The following TK2 variants were observed in gnomAD, a reference collection of about 807,000 sequenced individuals.
The protein encoded by TK2 is thymidine kinase 2.
A neutral mutation model predicts 41.9 loss-of-function variants in TK2; 35 were observed. The observed-to-expected ratio is 0.84, with a 90% CI of 0.64 to 1.11. The LOEUF (loss-of-function observed/expected upper bound fraction) is 1.11, where lower values mean the gene tolerates loss of function less well. Ranked by LOEUF, TK2 falls within the 50% of genes least tolerant of loss-of-function variation. TK2 has a pLI of 0.00. For missense variants in TK2, 320 were observed against 351.1 expected, an observed-to-expected ratio of 0.91 and a Z score of 0.71; for synonymous variants, 128 against 129.1, an observed-to-expected ratio of 0.99 and a Z score of 0.06.
At chr16:66,543,682 C>T (rs1313609241) in intron 2 of TK2, among the ~76,000 whole-genome samples, 1 of 152,202 alleles carries the variant, frequency 6.6e-6, no homozygotes, top group Non-Finnish European at 1.5e-5. Flanking sequence ...ATCCAGGCCC[C>T]TTCTCACGAC....
chr16:66,522,839 G>C (rs1438290315), intron 6 of TK2, among the ~76,000 whole-genome samples: 1 of 152,130 alleles, frequency 6.6e-6, no homozygotes, highest in Non-Finnish European at 1.5e-5. Context: ...ACTCCAGCCT[G>C]GGCAATAACA....
chr16:66,537,067 G>A (rs1006843392), intron 3 of TK2, 50 bp from the exon 4 acceptor site: 2 of 1,601,828 alleles, frequency 1.2e-6, no homozygotes, highest in East Asian at 2.2e-5. Flanking sequence ...GCTGAACCCT[G>A]TAAAAGTGTG....
At chr16:66,519,867 G>A (rs954960494) in intron 6 of TK2, among the ~76,000 whole-genome samples, 2 of 152,320 alleles carry the variant, frequency 1.3e-5, no homozygotes, top group Non-Finnish European at 1.5e-5. Flanking sequence ...CCAGTCCCAC[G>A]AGGGGATGAG....
In TK2 at chr16:66,510,226, A is replaced by G. The variant is rs983458043; in HGVS notation, c.*1742T>C. 6 of 152,038 alleles carry G rather than the reference A, an allele frequency of 3.9e-5. No homozygotes were observed. The highest frequency in any genetic ancestry group is 1.2e-4 in the African/African-American group (5 of 41,410). 9.4% of individuals were successfully genotyped at this position (152,038 alleles called of 1,614,324 possible). ...TGCCTTAGGCAAAAAAAAAAAAAAA[A>G]AAAGAGAGAGAAATCACATTTCCCC... is the stretch of plus-strand genomic sequence containing the variant. On this transcript the variant is annotated 3_prime_UTR_variant, in exon 10 of 10. Coordinates refer to ENST00000544898, the MANE Select transcript of TK2 (RefSeq NM_004614.5).
Position 66,509,423 on chromosome 16 carries a change from A to AGGTATTTTT in TK2, c.*2544_*2545insAAAAATACC, listed in dbSNP as rs1964384522. 6.6e-6 allele frequency: 1 copy of AGGTATTTTT among 152,268 alleles called. No individual in the cohort carries two copies. Among genetic ancestry groups the AGGTATTTTT allele is most frequent in the Admixed American group, 6.5e-5 (1 of 15,292 alleles). The allele number at this position is 152,268 out of a possible 1,614,324, so 9.4% of individuals were successfully genotyped here. ...AATATATTTCTATCTAGTTTCCAAA[A>AGGTATTTTT]AAAACCAGGTACATAAGGTATTTTT... On this transcript the variant is annotated 3_prime_UTR_variant, in exon 10 of 10. Coordinates refer to ENST00000544898, the MANE Select transcript of TK2 (RefSeq NM_004614.5).
Position 66,513,765 on chromosome 16 carries a change from T to C in TK2, c.665A>G (p.Lys222Arg). ...IHHLHEEWLI[K>R]GSLFPMAAPV... ...GGCTGCCATGGGGAAAAGGCTGCCT[T>C]TGATGAGCCACTCCTCATGGAGATG... The change falls in exon 9 of 10, where the codon AAA becomes AGA. Residue 222 changes from lysine to arginine, a missense_variant. Transcript: ENST00000544898. 1 of 1,614,028 alleles carries C rather than the reference T, an allele frequency of 6.2e-7. No homozygotes were observed. The highest frequency in any genetic ancestry group is 8.5e-7 in the Non-Finnish European group (1 of 1,180,022).
At chr16:66,549,432 A>G in intron 1 of TK2, 1 of 1,076,176 alleles carries the variant, frequency 9.3e-7, no homozygotes, top group Non-Finnish European at 1.1e-6. Context: ...CATCCGTCCC[A>G]CAGGTGGTTC....
intron 3 of TK2, among the ~76,000 whole-genome samples, chr16:66,540,902 G>C (rs1031338276): frequency 6.6e-6 from 1 of 152,158 alleles, no homozygotes; most frequent in African/African-American, 2.4e-5. Context: ...TTAAGACCTT[G>C]AAATATGAGT....
In TK2 at chr16:66,549,347, G is replaced by C. The variant is rs529639429; in HGVS notation, c.125-338C>G. ...ACAGCCTCCACTCGCGGTGCACGGG[G>C]AAGAGTGGGCGGCGGACGTGGTTTT... On this transcript the variant is annotated intron_variant, in intron 1 of 9. Coordinates refer to ENST00000544898, the MANE Select transcript of TK2 (RefSeq NM_004614.5). The C allele has an allele frequency of 3.5e-4, 400 of 1,152,178 alleles. 3 individuals are homozygous for C. In the African/African-American group the frequency reaches 5.7e-3, roughly 16 times the overall value. 71.4% of individuals were successfully genotyped at this position (1,152,178 alleles called of 1,614,324 possible).
intron 3 of TK2, among the ~76,000 whole-genome samples, chr16:66,537,359 C>T (rs1470559632): frequency 6.6e-6 from 1 of 152,244 alleles, no homozygotes; most frequent in Non-Finnish European, 1.5e-5. Context: ...TTCTATCCCA[C>T]CCCTGCCTGC....
At chr16:66,536,202 CAAA>C (rs35291905) in intron 4 of TK2, among the ~76,000 whole-genome samples, 2 of 83,132 alleles carry the variant, frequency 2.4e-5, no homozygotes. Flanking sequence ...GACTCCATCT[CAAA>C]AAAAAAAAAA....
At position 66,514,990 on chromosome 16, in the gene TK2, C is replaced by G. The variant is rs1373105588; in HGVS notation, c.619-1179G>C. On this transcript the variant is annotated intron_variant, in intron 8 of 9. Transcript: ENST00000544898. This position sits in a 1 kb window ranked among gnomAD's most constrained non-coding sequence, Gnocchi z 4.2. ...TAGCATACTCATTAAGAGTCATCAC[C>G]ATTCCCTAATCTCAAGTACCCAGGG... 6.6e-5 allele frequency among the ~76,000 whole-genome samples: 10 copies of G among 152,128 alleles called. No individual in the cohort carries two copies. The highest frequency in any genetic ancestry group is 2.4e-4 in the African/African-American group (10 of 41,418).
At chr16:66,531,985 G>C (rs1053605042) in intron 4 of TK2, among the ~76,000 whole-genome samples, 1 of 152,026 alleles carries the variant, frequency 6.6e-6, no homozygotes, top group African/African-American at 2.4e-5. Context: ...AGGGGGCAAA[G>C]GTTGAAAAAG....
chr16:66,548,202 C>G, intron 2 of TK2: 2 of 382,986 alleles, frequency 5.2e-6, no homozygotes, highest in South Asian at 3.7e-5. Context: ...GCATTTCAAT[C>G]CTCTCTATGT....
At position 66,549,975 on chromosome 16, in the gene TK2, G is replaced by C; in HGVS notation, c.87C>G (p.Pro29=). ...PGSRGSPASG[P]GPRRVQRRAW... The stretch of plus-strand genomic sequence containing the variant: ...CCCGGCGCTGCACCCTCCGCGGCCC[G>C]GGGCCTGAGGCCGGGCTCCCGCGAC... Residue 29 remains proline, a synonymous_variant, in exon 1 of 10, where the codon CCC becomes CCG. Coordinates refer to ENST00000544898, the MANE Select transcript of TK2 (RefSeq NM_004614.5). 2 of 1,488,238 alleles carry C rather than the reference G, an allele frequency of 1.3e-6. No individual in the cohort carries two copies. The highest frequency in any genetic ancestry group is 2.4e-5 in the Admixed American group (1 of 41,350). 92.2% of individuals were successfully genotyped at this position (1,488,238 alleles called of 1,614,324 possible).
chr16:66,539,661 G>A (rs537800639), intron 3 of TK2, among the ~76,000 whole-genome samples: 37 of 149,886 alleles, frequency 2.5e-4, no homozygotes, highest in African/African-American at 9.1e-4. Flanking sequence ...AAGGGAAAAA[G>A]GGCAGGTGCA....
Position 66,517,825 on chromosome 16 carries a change from T to C in TK2, c.502A>G (p.Ile168Val), listed in dbSNP as rs1964660757. ...ACAGACACGTCCATGTTCCTCAAGA[T>C]CCAGTCAAACCATTCCGACAGAACT... ...YVVLSEWFDW[I>V]LRNMDVSVDL... The change falls in exon 7 of 10, where the codon ATC becomes GTC. Residue 168 changes from isoleucine (I) to valine (V), a missense_variant. Ile to Val is a conservative substitution (Grantham distance 29). Transcript: ENST00000544898. The surrounding 1 kb of genome is among the most constrained non-coding windows in gnomAD (Gnocchi z 4.3). 6.2e-7 allele frequency: 1 copy of C among 1,614,084 alleles called. No individual in the cohort carries two copies. The highest frequency in any genetic ancestry group is 8.5e-7 in the Non-Finnish European group (1 of 1,180,006).
intron 2 of TK2, 42 bp downstream of exon 2, chr16:66,548,936 A>C (rs1156422792): frequency 6.3e-7 from 1 of 1,598,434 alleles, no homozygotes. Context: ...CTCTTCAAAA[A>C]ACCAAATTAT....
intron 4 of TK2, among the ~76,000 whole-genome samples, chr16:66,532,223 T>C (rs928792996): frequency 2.1e-5 from 3 of 145,238 alleles, no homozygotes; most frequent in Admixed American, 2.1e-4. Flanking sequence ...AATCAACATA[T>C]AAAAATCAGT....
Sources: allele counts gnomAD v4.1 joint callset (sites outside exome capture counted in the v4.1 genomes callset), GRCh38; gene constraint gnomAD v4.1.1; non-coding constraint Gnocchi (gnomAD v3.1); transcripts MANE v1.5; gene names NCBI Gene and HGNC (gene_info 2026-07-23, HGNC 2026-07-21).